PLCB1: variants seen among roughly 807,000 people sequenced by gnomAD.
The protein encoded by PLCB1 is phospholipase C beta 1, also known as 1-phosphatidylinositol 4,5-bisphosphate phosphodiesterase beta-1.
In PLCB1, 46 loss-of-function variants were observed where a neutral mutation model predicts 161.8. That is an observed-to-expected ratio of 0.28 (90% confidence interval 0.22 to 0.36). PLCB1 has a LOEUF of 0.36. PLCB1 is among the 10% of genes least tolerant of loss of function. PLCB1 has a pLI of 1.00. For synonymous variants in PLCB1, 517 were observed against 503.7 expected (o/e 1.03, Z -0.35); for missense variants, 1,016 against 1,472.5 (o/e 0.69, Z 5.07).
intron 3 of PLCB1, among the ~76,000 whole-genome samples, chr20:8,524,046 G>A (rs1984486724): frequency 6.6e-6 from 1 of 152,028 alleles, no homozygotes; most frequent in Non-Finnish European, 1.5e-5. Flanking sequence ...TGATATATAT[G>A]TTGAAAAATA....
chr20:8,277,708 A>G (rs906193147), intron 2 of PLCB1, among the ~76,000 whole-genome samples: 4 of 152,182 alleles, frequency 2.6e-5, no homozygotes, highest in African/African-American at 9.7e-5. Flanking sequence ...AGGGAAAGCC[A>G]TAACACTCAA....
At chr20:8,638,174 G>T (rs932567175) in intron 4 of PLCB1, among the ~76,000 whole-genome samples, 1 of 152,178 alleles carries the variant, frequency 6.6e-6, no homozygotes, top group Non-Finnish European at 1.5e-5. Context: ...GATTACAGGC[G>T]TGAGCCACCG....
chr20:8,617,143 A>G (rs2123186903), intron 3 of PLCB1, among the ~76,000 whole-genome samples: 1 of 152,284 alleles, frequency 6.6e-6, no homozygotes, highest in East Asian at 1.9e-4. Flanking sequence ...TCCTTCTACT[A>G]AGTTTTAAGA....
At position 8,875,578 on chromosome 20, in the gene PLCB1, A is replaced by T. The variant is rs375721957; in HGVS notation, c.3424-6044A>T. Among the ~76,000 whole-genome samples the T allele has an allele frequency of 3.1e-4, 47 of 149,800 alleles. 2 individuals are homozygous for T. In the East Asian group the frequency reaches 8.1e-3, roughly 26 times the overall value. On this transcript the variant is annotated intron_variant, in intron 31 of 31. Coordinates refer to ENST00000338037, the MANE Select transcript of PLCB1 (RefSeq NM_015192.4). ...CATTGGCCTTATATTTTATATTAAG[A>T]TCTTTCATACACTTCATTGGGCAAA... is the stretch of plus-strand genomic sequence containing the variant.
intron 3 of PLCB1, among the ~76,000 whole-genome samples, chr20:8,572,210 G>A (rs367984086): frequency 2.0e-5 from 3 of 152,146 alleles, no homozygotes; most frequent in Admixed American, 6.5e-5. Context: ...CAAGATAGAG[G>A]AACTACTGTA....
intron 3 of PLCB1, among the ~76,000 whole-genome samples, chr20:8,392,856 C>T (rs1987651646): frequency 6.6e-6 from 1 of 152,110 alleles, no homozygotes; most frequent in African/African-American, 2.4e-5. Context: ...ATACATGACC[C>T]ATAGTAGGTA....
At chr20:8,594,168 T>TAGGA (rs896204113) in intron 3 of PLCB1, among the ~76,000 whole-genome samples, 3 of 152,170 alleles carry the variant, frequency 2.0e-5, no homozygotes, top group Non-Finnish European at 2.9e-5. Context: ...CCCGAAGTGC[T>TAGGA]AGGACTACAG....
chr20:8,184,557 G>C (rs1032728798), intron 2 of PLCB1, among the ~76,000 whole-genome samples: 3 of 151,686 alleles, frequency 2.0e-5, no homozygotes, highest in African/African-American at 4.8e-5. Flanking sequence ...GCCCTGCTAG[G>C]ATGCTTTGTG....
At chr20:8,312,987 A>T (rs1984477390) in intron 2 of PLCB1, among the ~76,000 whole-genome samples, 1 of 152,224 alleles carries the variant, frequency 6.6e-6, no homozygotes, top group South Asian at 2.1e-4. Context: ...GTTGAAAATG[A>T]TGTCATGTAT....
At chr20:8,533,581 T>C (rs559644483) in intron 3 of PLCB1, among the ~76,000 whole-genome samples, 120 of 151,906 alleles carry the variant, frequency 7.9e-4, no homozygotes, top group African/African-American at 2.7e-3. Flanking sequence ...TGGTATCTCA[T>C]TGTGGTTTTG....
intron 31 of PLCB1, among the ~76,000 whole-genome samples, chr20:8,797,137 A>T (rs1442434396): frequency 2.0e-5 from 3 of 152,178 alleles, no homozygotes; most frequent in African/African-American, 4.8e-5. Flanking sequence ...CACACTGAAG[A>T]TAAACTTCCA....
intron 3 of PLCB1, among the ~76,000 whole-genome samples, chr20:8,556,974 TAAATA>T (rs1356958865): frequency 2.4e-5 from 3 of 123,854 alleles, no homozygotes; most frequent in Admixed American, 8.2e-5. Context: ...TTATTGATAA[TAAATA>T]AATAAAATAA....
chr20:8,150,847 GA>G (rs2051501812), intron 2 of PLCB1, among the ~76,000 whole-genome samples: 1 of 152,144 alleles, frequency 6.6e-6, no homozygotes, highest in Admixed American at 6.5e-5. Context: ...GTTGATGTCA[GA>G]AAACCAAGAA....
At chr20:8,195,626 G>A (rs929228050) in intron 2 of PLCB1, among the ~76,000 whole-genome samples, 7 of 151,990 alleles carry the variant, frequency 4.6e-5, no homozygotes, top group Non-Finnish European at 1.0e-4. Context: ...TTACCCATTT[G>A]GCAACTGATG....
At position 8,451,457 on chromosome 20, in the gene PLCB1, C is replaced by T. The variant is rs537652494; in HGVS notation, c.246+80007C>T. On this transcript the variant is annotated intron_variant, in intron 3 of 31. Transcript: ENST00000338037. ...CTGCCTCCTGGGTTCAAGCGATTCT[C>T]ATGCCTCCGCCTACTGAGTAGCTGG... 2.6e-5 allele frequency among the ~76,000 whole-genome samples: 4 copies of T among 152,266 alleles called. No homozygotes were observed. The South Asian group carries it at 8.3e-4, about 32-fold the overall frequency.
chr20:8,349,440 AG>A (rs1986108833), intron 2 of PLCB1, among the ~76,000 whole-genome samples: 2 of 152,210 alleles, frequency 1.3e-5, no homozygotes, highest in Non-Finnish European at 2.9e-5. Flanking sequence ...ACTGTTCCAC[AG>A]GTAGTGTTTT....
At chr20:8,378,761 C>T (rs1033288153) in intron 3 of PLCB1, among the ~76,000 whole-genome samples, 3 of 152,190 alleles carry the variant, frequency 2.0e-5, no homozygotes, top group African/African-American at 7.2e-5. Context: ...GAACTACTTT[C>T]AAAATTGGAA....
At chr20:8,253,378 G>C (rs1463314810) in intron 2 of PLCB1, among the ~76,000 whole-genome samples, 1 of 151,912 alleles carries the variant, frequency 6.6e-6, no homozygotes, top group African/African-American at 2.4e-5. Context: ...ATATATGTCA[G>C]TCTATCTCTG....
chr20:8,288,650 A>G (rs1983238730), intron 2 of PLCB1, among the ~76,000 whole-genome samples: 1 of 152,104 alleles, frequency 6.6e-6, no homozygotes, highest in South Asian at 2.1e-4. Context: ...TCCTCAGCCA[A>G]CAACAGTCCT....
Sources: gnomAD v4.1 joint callset for allele counts (sites outside exome capture counted in the v4.1 genomes callset) on GRCh38, gnomAD v4.1.1 for gene constraint, MANE v1.5 for transcripts, NCBI Gene and HGNC (gene_info 2026-07-23, HGNC 2026-07-21) for gene names.